The following NRG1 variants were observed in gnomAD, a reference collection of about 807,000 sequenced individuals.
The protein encoded by NRG1 is neuregulin 1, also known as pro-neuregulin-1, membrane-bound isoform.
A neutral mutation model predicts 63.8 loss-of-function variants in NRG1; 18 were observed. The observed-to-expected ratio is 0.28, with a 90% CI of 0.19 to 0.42. The LOEUF is 0.42. Ranked by LOEUF, NRG1 falls within the 10% of genes least tolerant of loss-of-function variation. The pLI is 1.00. For missense variants in NRG1, 762 were observed against 814.7 expected (o/e 0.94, Z 0.79); for synonymous variants, 302 against 301.3 (o/e 1.00, Z -0.02).
At chr8:32,717,212 A>G (rs1430856897) in intron 5 of NRG1, among the ~76,000 whole-genome samples, 1 of 152,162 alleles carries the variant, frequency 6.6e-6, no homozygotes, top group Non-Finnish European at 1.5e-5. Context: ...TATTATGACC[A>G]GCTAGTCCTG....
At chr8:32,418,742 A>G (rs1240959801) in intron 1 of NRG1, among the ~76,000 whole-genome samples, 1 of 152,188 alleles carries the variant, frequency 6.6e-6, no homozygotes, top group Non-Finnish European at 1.5e-5. Context: ...ATTGACTGTC[A>G]GTAAATATGT....
At chr8:31,685,067 C>T (rs1172026083) in intron 1 of NRG1, among the ~76,000 whole-genome samples, 2 of 152,106 alleles carry the variant, frequency 1.3e-5, no homozygotes, top group African/African-American at 4.8e-5. Context: ...GTTTTTCTTA[C>T]AGATTTGCCT....
rs189815849 is a variant in NRG1, at chr8:32,513,861, C to A, written c.38-81967C>A. Among the ~76,000 whole-genome samples the A allele has an allele frequency of 2.0e-5, 3 of 152,140 alleles. No homozygotes were observed. The East Asian group carries it at 5.8e-4, about 29-fold the overall frequency. On this transcript the variant is annotated intron_variant, in intron 1 of 10. Coordinates refer to the NRG1 transcript ENST00000519301. ...TATTGGTTTTGCAGTTTTACCATATCAACACATATAATATTTCTGCATAGA... is the reference window on the plus strand; with the variant it reads ...TATTGGTTTTGCAGTTTTACCATATAAACACATATAATATTTCTGCATAGA...
At chr8:32,005,154 G>A (rs780777644) in intron 1 of NRG1, among the ~76,000 whole-genome samples, 23 of 151,478 alleles carry the variant, frequency 1.5e-4, no homozygotes, top group Non-Finnish European at 2.9e-4. Context: ...AGGAAGGAGG[G>A]AGGGAGAGAG....
chr8:32,634,825 G>T (rs937915733), intron 5 of NRG1, among the ~76,000 whole-genome samples: 3 of 152,092 alleles, frequency 2.0e-5, no homozygotes, highest in Non-Finnish European at 4.4e-5. Flanking sequence ...TAAAGATATT[G>T]TACAGTGGTA....
intron 1 of NRG1, among the ~76,000 whole-genome samples, chr8:32,335,799 A>AC (rs1803188615): frequency 6.6e-6 from 1 of 152,160 alleles, no homozygotes; most frequent in South Asian, 2.1e-4. Context: ...ATGCAGCCCA[A>AC]CATAGGCCGT....
intron 5 of NRG1, among the ~76,000 whole-genome samples, chr8:32,621,903 C>T (rs937847058): frequency 6.6e-6 from 1 of 152,186 alleles, no homozygotes; most frequent in Admixed American, 6.5e-5. Flanking sequence ...AAAGCCCTTA[C>T]TATTGAAAGA....
chr8:32,335,997 CACACACTGGAAATTGTATCAT>C (rs1318621259), intron 1 of NRG1, among the ~76,000 whole-genome samples: 1 of 152,024 alleles, frequency 6.6e-6, no homozygotes, highest in Non-Finnish European at 1.5e-5. Context: ...CCCACACACA[CACACACTGGAAATTGTATCAT>C]ACACACACCG....
At chr8:31,670,258 G>A (rs769189113) in intron 1 of NRG1, among the ~76,000 whole-genome samples, 1 of 152,020 alleles carries the variant, frequency 6.6e-6, no homozygotes, top group African/African-American at 2.4e-5. Flanking sequence ...TCTTACTCAC[G>A]GGGGTCACCA....
At chr8:32,199,354 A>G (rs1586033117) in intron 1 of NRG1, among the ~76,000 whole-genome samples, 1 of 152,278 alleles carries the variant, frequency 6.6e-6, no homozygotes, top group East Asian at 1.9e-4. Context: ...CCAGCTAGAT[A>G]CTTTCTATGT....
intron 5 of NRG1, among the ~76,000 whole-genome samples, chr8:32,722,499 AT>A (rs1309004413): frequency 6.6e-6 from 1 of 152,218 alleles, no homozygotes; most frequent in African/African-American, 2.4e-5. Flanking sequence ...ATGGGAAAAT[AT>A]TTAGTAACAA....
At position 32,218,756 on chromosome 8, in the gene NRG1, C is replaced by T. The variant is rs904152362; in HGVS notation, c.38-377072C>T. On this transcript the variant is annotated intron_variant, in intron 1 of 10. Transcript: ENST00000519301. ...TTGTATGTGTCAAGAAGCACAACCT[C>T]GAAAGCCTGCCTTTGACAATGCTTA... Among the ~76,000 whole-genome samples, 16 of 152,122 alleles carry T rather than the reference C, an allele frequency of 1.1e-4. 1 individual carries two copies. The East Asian group carries it at 2.5e-3, about 24-fold the overall frequency.
intron 1 of NRG1, among the ~76,000 whole-genome samples, chr8:31,905,891 T>C (rs1239464552): frequency 6.6e-6 from 1 of 152,194 alleles, no homozygotes; most frequent in Non-Finnish European, 1.5e-5. Flanking sequence ...CTTGGAAAAT[T>C]TGCAGAGAAA....
At chr8:32,054,295 ACT>A (rs747032752) in intron 1 of NRG1, among the ~76,000 whole-genome samples, 24 of 152,096 alleles carry the variant, frequency 1.6e-4, no homozygotes, top group Non-Finnish European at 3.4e-4. Flanking sequence ...ACATCACGTG[ACT>A]CTGAGTTTTT....
intron 3 of NRG1, among the ~76,000 whole-genome samples, chr8:32,610,335 A>G (rs1282304415): frequency 1.3e-5 from 2 of 152,134 alleles, no homozygotes; most frequent in Admixed American, 1.3e-4. Flanking sequence ...CAAGATTCTA[A>G]GAGAGATGGG....
intron 3 of NRG1, among the ~76,000 whole-genome samples, chr8:32,607,035 TTAAATGTCTCCCTCCATAGAGAG>T (rs1845397853): frequency 6.6e-6 from 1 of 152,142 alleles, no homozygotes; most frequent in South Asian, 2.1e-4. Context: ...CACTTTCATT[TTAAATGTCTCCCTCCATAGAGAG>T]TAAAGGAGAG....
At chr8:31,669,024 G>T (rs1454602493) in intron 1 of NRG1, among the ~76,000 whole-genome samples, 2 of 151,986 alleles carry the variant, frequency 1.3e-5, no homozygotes, top group Non-Finnish European at 2.9e-5. Context: ...CAACTTATAC[G>T]CATAGCCTGA....
chr8:32,593,580 A>T (rs766789412), intron 1 of NRG1, among the ~76,000 whole-genome samples: 37 of 151,934 alleles, frequency 2.4e-4, no homozygotes, highest in Admixed American at 5.3e-4. Flanking sequence ...CTTGAGCCCA[A>T]TAGGTGGAGG....
rs187760695 is a variant in NRG1, at chr8:32,046,538, A to G, written c.37+407107A>G. On this transcript the variant is annotated intron_variant, in intron 1 of 10. Transcript: ENST00000519301. ...TGTTCATATTTGTCAAAAATTGACAATCATCAAAATGCCATTCAACAGGTG... is the reference window on the plus strand; with the variant it reads ...TGTTCATATTTGTCAAAAATTGACAGTCATCAAAATGCCATTCAACAGGTG... Among the ~76,000 whole-genome samples the G allele has an allele frequency of 3.4e-3, 523 of 152,252 alleles. 5 individuals are homozygous for G. The highest frequency in any genetic ancestry group is 0.014 in the Middle Eastern group (4 of 294).
Sources: allele counts gnomAD v4.1 joint callset (sites outside exome capture counted in the v4.1 genomes callset), GRCh38; gene constraint gnomAD v4.1.1; transcripts MANE v1.5; gene names NCBI Gene and HGNC (gene_info 2026-07-23, HGNC 2026-07-21).